Variants in BABAM2 observed in about 807,000 individuals in gnomAD.
BABAM2 encodes the protein BRISC and BRCA1 A complex member 2.
A neutral mutation model predicts 54.7 loss-of-function variants in BABAM2; 31 were observed. That is an observed-to-expected ratio of 0.57 (90% CI 0.43 to 0.77). The LOEUF is 0.77. Ranked by LOEUF, BABAM2 falls within the 30% of genes least tolerant of loss-of-function variation. The pLI, the probability that BABAM2 is intolerant of heterozygous loss-of-function variation, is 0.00. For missense variants in BABAM2, 364 were observed against 455.8 expected (o/e 0.80, Z 1.83); for synonymous variants, 167 against 162.9 (o/e 1.03, Z -0.19).
In BABAM2 at chr2:28,097,468, T is replaced by C. The variant is rs1183909091; in HGVS notation, c.571-31803T>C. Among the ~76,000 whole-genome samples the C allele has an allele frequency of 7.9e-5, 12 of 152,220 alleles. No homozygotes were observed. In the East Asian group the frequency reaches 2.3e-3, roughly 29 times the overall value. On this transcript the variant is annotated intron_variant, in intron 6 of 11. Transcript: ENST00000379624. The stretch of plus-strand genomic sequence containing the variant: ...ATGATCTTTAATTACCTTTATCAAG[T>C]TGTACATTTTTTCCAGGTTCATCTC...
chr2:28,223,077 G>A (rs889052681), intron 7 of BABAM2, among the ~76,000 whole-genome samples: 4 of 152,204 alleles, frequency 2.6e-5, no homozygotes, highest in Admixed American at 2.6e-4. Flanking sequence ...ATGTTATTTA[G>A]AAATAGATTC....
At chr2:28,119,563 AT>A (rs1263452806) in intron 6 of BABAM2, among the ~76,000 whole-genome samples, 1 of 152,150 alleles carries the variant, frequency 6.6e-6, no homozygotes, top group Non-Finnish European at 1.5e-5. Context: ...AAGAGCCAGG[AT>A]TTTCCTCCCT....
intron 3 of BABAM2, among the ~76,000 whole-genome samples, chr2:27,968,245 G>T (rs778368238): frequency 3.3e-5 from 5 of 152,206 alleles, no homozygotes; most frequent in Non-Finnish European, 7.3e-5. Flanking sequence ...GGTGCCCTGC[G>T]CCCCAGTTGC....
intron 3 of BABAM2, among the ~76,000 whole-genome samples, chr2:27,963,518 A>G (rs1005304893): frequency 6.6e-6 from 1 of 151,278 alleles, no homozygotes; most frequent in Non-Finnish European, 1.5e-5. Context: ...GGAAGGATAT[A>G]TTCTTAAAGG....
At chr2:28,233,240 C>T (rs1346711244) in intron 7 of BABAM2, 1 of 471,238 alleles carries the variant, frequency 2.1e-6, no homozygotes, top group African/African-American at 2.0e-5. Flanking sequence ...TGGTCCCTTT[C>T]ATCTCCTCAT....
At chr2:28,114,967 G>A (rs991781896) in intron 6 of BABAM2, among the ~76,000 whole-genome samples, 21 of 152,110 alleles carry the variant, frequency 1.4e-4, no homozygotes, top group Admixed American at 1.2e-3. Flanking sequence ...GCAAATATAT[G>A]TAGTCATTCA....
chr2:28,177,959 C>T (rs1378252740), intron 7 of BABAM2, among the ~76,000 whole-genome samples: 1 of 151,822 alleles, frequency 6.6e-6, no homozygotes, highest in African/African-American at 2.4e-5. Context: ...CAGTTCTAGA[C>T]ATATATGCAG....
At chr2:28,082,784 T>A (rs555234774) in intron 6 of BABAM2, among the ~76,000 whole-genome samples, 2 of 152,314 alleles carry the variant, frequency 1.3e-5, no homozygotes, top group South Asian at 4.1e-4. Context: ...CCCTCACTTG[T>A]AAGTAATTTT....
intron 6 of BABAM2, among the ~76,000 whole-genome samples, chr2:28,127,013 GA>G (rs1443917198): frequency 6.6e-6 from 1 of 151,658 alleles, no homozygotes; most frequent in Non-Finnish European, 1.5e-5. Flanking sequence ...AAATTTGTTT[GA>G]GTTCATTGTA....
chr2:28,334,142 T>TGGCA (rs1691204968), intron 11 of BABAM2, among the ~76,000 whole-genome samples: 1 of 152,226 alleles, frequency 6.6e-6, no homozygotes, highest in Non-Finnish European at 1.5e-5. Flanking sequence ...CAGTTGGCCC[T>TGGCA]GGCAGGGAAA....
chr2:28,042,384 A>G (rs566866867), intron 5 of BABAM2, among the ~76,000 whole-genome samples: 12 of 152,334 alleles, frequency 7.9e-5, no homozygotes, highest in African/African-American at 2.6e-4. Context: ...AAGCCCAGGC[A>G]TACCCCAATC....
intron 6 of BABAM2, among the ~76,000 whole-genome samples, chr2:28,057,197 A>G (rs1678497592): frequency 6.6e-6 from 1 of 152,156 alleles, no homozygotes; most frequent in Admixed American, 6.6e-5. Flanking sequence ...AACTCCAGGG[A>G]GGGTTGATCA....
In BABAM2 at chr2:27,928,434, G is replaced by A. The variant is rs185109716; in HGVS notation, c.129-1398G>A. Among the ~76,000 whole-genome samples the A allele has an allele frequency of 3.9e-3, 568 of 147,280 alleles. 3 individuals are homozygous for A. Among genetic ancestry groups the A allele is most frequent in the Non-Finnish European group, 6.6e-3 (442 of 66,534 alleles). On this transcript the variant is annotated intron_variant, in intron 2 of 11. Transcript: ENST00000379624. Reference sequence around the variant, plus strand: ...CAAAGTGCTGGGATTATAGGTGTGAGCCACTGCGCCTGGCCACTGTCTGGT... The same window carrying A: ...CAAAGTGCTGGGATTATAGGTGTGAACCACTGCGCCTGGCCACTGTCTGGT...
At chr2:28,240,803 G>C (rs1682341153) in intron 8 of BABAM2, among the ~76,000 whole-genome samples, 1 of 151,178 alleles carries the variant, frequency 6.6e-6, no homozygotes, top group Admixed American at 6.6e-5. Context: ...CCAGGAGGTG[G>C]AGGTTGCAGT....
intron 7 of BABAM2, chr2:28,134,367 C>G (rs953213383): frequency 5.9e-5 from 9 of 152,230 alleles, no homozygotes; most frequent in Admixed American, 3.3e-4. Flanking sequence ...GAAACATGCT[C>G]TACCTTTCCC....
At chr2:28,172,117 T>G (rs962858920) in intron 7 of BABAM2, among the ~76,000 whole-genome samples, 10 of 150,662 alleles carry the variant, frequency 6.6e-5, no homozygotes, top group South Asian at 2.1e-4. Flanking sequence ...GTGTGTGTGG[T>G]GTGTGTGTAT....
At chr2:28,188,723 G>A (rs1676583263) in intron 7 of BABAM2, among the ~76,000 whole-genome samples, 1 of 152,084 alleles carries the variant, frequency 6.6e-6, no homozygotes, top group African/African-American at 2.4e-5. Flanking sequence ...CCTTCCTCAT[G>A]AGCTCCCAAA....
At position 28,329,920 on chromosome 2, in the gene BABAM2, G is replaced by C. The variant is rs1289559518; in HGVS notation, c.1089-8530G>C. Among the ~76,000 whole-genome samples, 1 of 152,190 alleles carries C rather than the reference G, an allele frequency of 6.6e-6. No homozygotes were observed. On this transcript the variant is annotated intron_variant, in intron 11 of 11. Transcript: ENST00000379624. The surrounding 1 kb of genome is among the most constrained non-coding windows in gnomAD (Gnocchi z 4.2). ...GCCAATACTCCTGATGAACATCAGT[G>C]TAAAAATCCTCAATAAAATACTGGC...
intron 6 of BABAM2, among the ~76,000 whole-genome samples, chr2:28,063,789 G>C (rs1679093147): frequency 6.6e-6 from 1 of 152,202 alleles, no homozygotes; most frequent in South Asian, 2.1e-4. Context: ...TTTTTTTTAT[G>C]TGAGTATGAT....
Sources: allele counts gnomAD v4.1 joint callset (sites outside exome capture counted in the v4.1 genomes callset), GRCh38; gene constraint gnomAD v4.1.1; non-coding constraint Gnocchi (gnomAD v3.1); transcripts MANE v1.5; gene names NCBI Gene and HGNC (gene_info 2026-07-23, HGNC 2026-07-21).